Variants in MTRFR observed in about 807,000 individuals in gnomAD.
MTRFR encodes mitochondrial translation release factor in rescue.
A neutral mutation model predicts 11.9 loss-of-function variants in MTRFR; 10 were observed. The ratio of observed to expected loss-of-function variants is 0.84; its 90% confidence interval spans 0.52 to 1.42. The LOEUF is 1.42. Ranked by LOEUF, MTRFR falls within the 40% of genes most tolerant of loss-of-function variation. The probability of loss-of-function intolerance (pLI) is 0.00; values close to 1 mark genes in which losing one functional copy is unlikely to be tolerated. For missense variants in MTRFR, 196 were observed against 197.9 expected (o/e 0.99, Z 0.06); for synonymous variants, 77 against 79.1 (o/e 0.97, Z 0.14).
intron 1 of MTRFR, among the ~76,000 whole-genome samples, chr12:123,237,490 C>A (rs568460642): frequency 1.1e-4 from 17 of 152,280 alleles, no homozygotes; most frequent in African/African-American, 4.1e-4. Flanking sequence ...TTCCTCTTTA[C>A]TTCATTAGCT....
At chr12:123,249,001 A>G (rs897837842) in intron 1 of MTRFR, 10 of 151,708 alleles carry the variant, frequency 6.6e-5, no homozygotes, top group African/African-American at 2.4e-4. Context: ...ACAAACCTTC[A>G]GCTAGACACA....
chr12:123,254,032 T>G, intron 2 of MTRFR, 76 bp downstream of exon 2: 11 of 1,559,454 alleles, frequency 7.1e-6, no homozygotes, highest in Non-Finnish European at 9.6e-6. Flanking sequence ...CTCCCAAGTG[T>G]GAATGGGATC....
Position 123,257,435 on chromosome 12 carries a change from G to T in MTRFR, c.*404G>T. On this transcript the variant is annotated 3_prime_UTR_variant, in exon 3 of 3. Transcript: ENST00000253233. ...GGAGGCCGAGGCAGGAGAATTGCGT[G>T]AACCTGGGAGGCGGAGGTTGCAGTG... 4.8e-6 allele frequency: 1 copy of T among 208,274 alleles called. No homozygotes were observed. Among genetic ancestry groups the T allele is most frequent in the South Asian group, 7.6e-5 (1 of 13,094 alleles). 12.9% of individuals were successfully genotyped at this position (208,274 alleles called of 1,614,324 possible).
Position 123,257,039 on chromosome 12 carries a change from A to G in MTRFR, c.*8A>G. The G allele has an allele frequency of 6.2e-7, 1 of 1,603,586 alleles. No individual in the cohort carries two copies. The highest frequency in any genetic ancestry group is 8.5e-7 in the Non-Finnish European group (1 of 1,172,186). On this transcript the variant is annotated 3_prime_UTR_variant, in exon 3 of 3. Coordinates refer to ENST00000253233, the MANE Select transcript of MTRFR (RefSeq NM_152269.5). ...AGTAAAAAGGTCCACTGAGAAAAGA[A>G]TTAGAGATTCCAACTGACAGAATCT... is the stretch of plus-strand genomic sequence containing the variant.
At position 123,256,834 on chromosome 12, in the gene MTRFR, G is replaced by T. The variant is rs1565999184; in HGVS notation, c.304G>T (p.Asp102Tyr). The T allele has an allele frequency of 1.9e-6, 3 of 1,613,086 alleles. No homozygotes were observed. The highest frequency in any genetic ancestry group is 2.2e-5 in the East Asian group (1 of 44,880). The change falls in exon 3 of 3, where the codon GAT becomes TAT. Residue 102 changes from aspartate to tyrosine, a missense_variant. Physicochemically the swap from Asp to Tyr is radical, Grantham distance 160 (BLOSUM62 -3). Coordinates refer to ENST00000253233, the MANE Select transcript of MTRFR (RefSeq NM_152269.5). Reference sequence around the variant, plus strand: ...ACAGTGCCATCAGACAAGATCAGTTGATCAGAACAGAAAGCTAGCTCGGAA... The same window carrying T: ...ACAGTGCCATCAGACAAGATCAGTTTATCAGAACAGAAAGCTAGCTCGGAA... ...VVKCHQTRSV[D>Y]QNRKLARKIL...
At chr12:123,242,443 A>G (rs2047954985) in intron 1 of MTRFR, among the ~76,000 whole-genome samples, 2 of 152,130 alleles carry the variant, frequency 1.3e-5, no homozygotes, top group South Asian at 4.1e-4. Context: ...AAGACTTTGG[A>G]TTACTCTGTA....
chr12:123,252,214 A>C (rs1376397417), intron 1 of MTRFR: 1 of 152,224 alleles, frequency 6.6e-6, no homozygotes, highest in Non-Finnish European at 1.5e-5. Context: ...CAGGTGGATT[A>C]CTTGACCTTA....
intron 1 of MTRFR, among the ~76,000 whole-genome samples, chr12:123,241,146 T>G (rs551154025): frequency 1.1e-4 from 16 of 149,638 alleles, no homozygotes; most frequent in African/African-American, 3.2e-4. Flanking sequence ...GGGTTGTTTT[T>G]TTTTTGTTTT....
At chr12:123,255,749 C>T (rs1306428675) in intron 2 of MTRFR, among the ~76,000 whole-genome samples, 3 of 152,160 alleles carry the variant, frequency 2.0e-5, no homozygotes, top group Admixed American at 6.5e-5. Flanking sequence ...CTCAGCCTCC[C>T]GAGTAGCTGG....
intron 1 of MTRFR, chr12:123,251,299 C>T (rs1210965899): frequency 3.3e-5 from 5 of 152,312 alleles, no homozygotes; most frequent in African/African-American, 9.6e-5. Context: ...GTAGTTCTTC[C>T]CCCACCTGTG....
intron 2 of MTRFR, chr12:123,254,884 G>C (rs1002621746): frequency 2.6e-5 from 4 of 151,562 alleles, no homozygotes; most frequent in African/African-American, 9.7e-5. Context: ...GCAGTGAGCC[G>C]AGATCATGCT....
intron 1 of MTRFR, among the ~76,000 whole-genome samples, chr12:123,236,722 T>G (rs1406933997): frequency 6.6e-6 from 1 of 152,228 alleles, no homozygotes; most frequent in Non-Finnish European, 1.5e-5. Flanking sequence ...TTGTTATTCC[T>G]GCTTTTTTAA....
intron 1 of MTRFR, among the ~76,000 whole-genome samples, chr12:123,251,788 T>C (rs1405784485): frequency 1.3e-5 from 2 of 152,136 alleles, no homozygotes; most frequent in African/African-American, 4.8e-5. Flanking sequence ...GAGCTAAAAT[T>C]CACAATGCAA....
chr12:123,238,536 C>T (rs951285618), intron 1 of MTRFR, among the ~76,000 whole-genome samples: 13 of 151,658 alleles, frequency 8.6e-5, no homozygotes, highest in South Asian at 2.1e-4. Context: ...TTTTTGAGAC[C>T]GAGGCAGGCA....
chr12:123,251,790 A>C (rs746605263), intron 1 of MTRFR, among the ~76,000 whole-genome samples: 3 of 152,148 alleles, frequency 2.0e-5, no homozygotes, highest in Non-Finnish European at 4.4e-5. Context: ...GCTAAAATTC[A>C]CAATGCAAGC....
At chr12:123,244,978 T>C (rs1204731183) in intron 1 of MTRFR, among the ~76,000 whole-genome samples, 12 of 128,812 alleles carry the variant, frequency 9.3e-5, no homozygotes, top group Non-Finnish European at 1.6e-4. Flanking sequence ...GTCTTACTCT[T>C]GTCACCCAGG....
Position 123,257,817 on chromosome 12 carries a change from G to A in MTRFR, c.*786G>A, listed in dbSNP as rs1258589985. On this transcript the variant is annotated 3_prime_UTR_variant, in exon 3 of 3. Transcript: ENST00000253233. ...GAGGCACTTGGAGGGGTTCTGGGGTGCCTGACAAAGTTCTGTTTCTTCACC... is the reference window on the plus strand; with the variant it reads ...GAGGCACTTGGAGGGGTTCTGGGGTACCTGACAAAGTTCTGTTTCTTCACC... The A allele has an allele frequency of 6.6e-6, 1 of 152,280 alleles. No individual in the cohort carries two copies. Among genetic ancestry groups the A allele is most frequent in the African/African-American group, 2.4e-5 (1 of 41,466 alleles). 9.4% of individuals were successfully genotyped at this position (152,280 alleles called of 1,614,324 possible).
chr12:123,255,855 G>A (rs913169440), intron 2 of MTRFR, among the ~76,000 whole-genome samples: 11 of 152,128 alleles, frequency 7.2e-5, no homozygotes, highest in Non-Finnish European at 1.2e-4. Flanking sequence ...TCAAACTCCT[G>A]ACCTCAAGTG....
intron 1 of MTRFR, among the ~76,000 whole-genome samples, chr12:123,235,453 C>T (rs1398088371): frequency 6.6e-6 from 1 of 152,016 alleles, no homozygotes; most frequent in East Asian, 1.9e-4. Context: ...CAAGCTCCGC[C>T]CCCCAGGTTC....
Sources: allele counts gnomAD v4.1 joint callset (sites outside exome capture counted in the v4.1 genomes callset), GRCh38; gene constraint gnomAD v4.1.1; transcripts MANE v1.5; gene names NCBI Gene and HGNC (gene_info 2026-07-23, HGNC 2026-07-21).